The following NHSL1 variants were observed in gnomAD, a reference collection of about 807,000 sequenced individuals.
The protein encoded by NHSL1 is NHS like 1.
Under a neutral mutation model 95.0 loss-of-function variants are expected in NHSL1, and 48 were observed. The ratio of observed to expected loss-of-function variants is 0.51; its 90% confidence interval spans 0.40 to 0.64. The LOEUF (loss-of-function observed/expected upper bound fraction) is 0.64. NHSL1 is among the 30% of genes least tolerant of loss of function. The pLI is 0.00. For synonymous variants in NHSL1, 783 were observed against 833.9 expected (o/e 0.94, Z 1.05); for missense variants, 1,971 against 2,077.7 (o/e 0.95, Z 1.00).
At chr6:138,636,122 CAAA>C (rs199791161) in intron 1 of NHSL1, among the ~76,000 whole-genome samples, 3 of 89,672 alleles carry the variant, frequency 3.3e-5, no homozygotes, top group Admixed American at 1.2e-4. Flanking sequence ...GACTCTGTCT[CAAA>C]AAAAAAAAAA....
chr6:138,516,467 T>C (rs1358014634), intron 1 of NHSL1, among the ~76,000 whole-genome samples: 1 of 152,178 alleles, frequency 6.6e-6, no homozygotes, highest in Non-Finnish European at 1.5e-5. Flanking sequence ...CCTGCTGGGA[T>C]GACAAAGTGG....
At chr6:138,443,379 G>A (rs1267275529) in intron 4 of NHSL1, among the ~76,000 whole-genome samples, 1 of 152,184 alleles carries the variant, frequency 6.6e-6, no homozygotes, top group Non-Finnish European at 1.5e-5. Context: ...ATACCAGAAG[G>A]TGCCAATGCT....
intron 1 of NHSL1, among the ~76,000 whole-genome samples, chr6:138,648,917 A>C (rs1785053502): frequency 6.6e-6 from 1 of 152,202 alleles, no homozygotes. Flanking sequence ...GTCAACTATA[A>C]AATAGCATAT....
intron 5 of NHSL1, among the ~76,000 whole-genome samples, chr6:138,441,409 CCAAA>C (rs1033921336): frequency 3.9e-5 from 6 of 152,142 alleles, no homozygotes. Flanking sequence ...TCTTCACCAG[CCAAA>C]CACAGATTGA....
At chr6:138,475,218 GT>G (rs1047156422) in intron 2 of NHSL1, among the ~76,000 whole-genome samples, 7 of 151,086 alleles carry the variant, frequency 4.6e-5, no homozygotes, top group African/African-American at 1.2e-4. Context: ...ATGATTAGTA[GT>G]TTTCTTCTTT....
intron 3 of NHSL1, among the ~76,000 whole-genome samples, chr6:138,453,157 T>C (rs902941898): frequency 6.6e-6 from 1 of 151,654 alleles, no homozygotes; most frequent in Non-Finnish European, 1.5e-5. Flanking sequence ...GTATTTTTAG[T>C]AGAGATGGGG....
intron 1 of NHSL1, among the ~76,000 whole-genome samples, chr6:138,657,913 TAA>T (rs1785178792): frequency 2.7e-5 from 4 of 147,632 alleles, no homozygotes; most frequent in Admixed American, 2.7e-4. Context: ...TAATTAAATA[TAA>T]GATTTAATAT....
chr6:138,689,850 G>GT (rs1392390495), intron 1 of NHSL1, among the ~76,000 whole-genome samples: 3 of 151,594 alleles, frequency 2.0e-5, no homozygotes, highest in East Asian at 3.9e-4. Context: ...GTTTCGCCAT[G>GT]TTGGCCAGGC....
chr6:138,446,368 G>A (rs113887570), intron 4 of NHSL1, among the ~76,000 whole-genome samples: 1 of 152,182 alleles, frequency 6.6e-6, no homozygotes, highest in South Asian at 2.1e-4. Flanking sequence ...GCTCTCCTAA[G>A]TTCATGAAAG....
chr6:138,613,620 C>T lies in NHSL1; in HGVS notation c.96+78856G>A, dbSNP rs369805533. On this transcript the variant is annotated intron_variant, in intron 1 of 3. Coordinates refer to the NHSL1 transcript ENST00000491526. ...GCCACCTGTCCAGTCCCACGTCTTG[C>T]GGATAAACGGACTGCCCTGCATCCT... is the stretch of plus-strand genomic sequence containing the variant. Among the ~76,000 whole-genome samples, 14 of 152,294 alleles carry T rather than the reference C, an allele frequency of 9.2e-5. No homozygotes were observed. In the East Asian group the frequency reaches 1.4e-3, roughly 15 times the overall value.
intron 7 of NHSL1, among the ~76,000 whole-genome samples, chr6:138,426,063 C>T (rs1775243903): frequency 1.3e-5 from 2 of 152,222 alleles, no homozygotes; most frequent in Non-Finnish European, 2.9e-5. Context: ...ATGATAAAGC[C>T]AGTGAGCCAA....
chr6:138,663,560 C>CA (rs56870354), intron 1 of NHSL1, among the ~76,000 whole-genome samples: 2,574 of 95,454 alleles, frequency 0.027, 95 homozygotes, highest in African/African-American at 0.087. Context: ...AACTCCATCT[C>CA]AAAAAAAAAA....
intron 1 of NHSL1, among the ~76,000 whole-genome samples, chr6:138,610,775 T>A (rs1177260762): frequency 1.3e-5 from 2 of 151,962 alleles, no homozygotes; most frequent in Non-Finnish European, 2.9e-5. Context: ...CCTCCCTGCA[T>A]CTGAAAATAA....
At chr6:138,507,177 C>T (rs946669847) in intron 1 of NHSL1, among the ~76,000 whole-genome samples, 1 of 152,182 alleles carries the variant, frequency 6.6e-6, no homozygotes, top group African/African-American at 2.4e-5. Context: ...CCAGCAAACA[C>T]TAATGGTGGG....
intron 1 of NHSL1, among the ~76,000 whole-genome samples, chr6:138,658,112 G>C (rs1452768872): frequency 6.6e-6 from 1 of 152,062 alleles, no homozygotes; most frequent in African/African-American, 2.4e-5. Flanking sequence ...GAGGCTATAG[G>C]AGTCTCTCTA....
intron 1 of NHSL1, among the ~76,000 whole-genome samples, chr6:138,570,811 A>T (rs1386886829): frequency 6.6e-6 from 1 of 152,250 alleles, no homozygotes; most frequent in Admixed American, 6.5e-5. Flanking sequence ...AATGTGATAA[A>T]CATGGAAAAC....
intron 1 of NHSL1, among the ~76,000 whole-genome samples, chr6:138,639,798 A>C (rs1157437193): frequency 1.4e-5 from 1 of 70,646 alleles, no homozygotes; most frequent in African/African-American, 8.6e-5. Flanking sequence ...ACTCAGTCTC[A>C]AAAAAAAAAA....
chr6:138,461,829 G>C (rs1255445546), intron 3 of NHSL1, among the ~76,000 whole-genome samples: 1 of 152,198 alleles, frequency 6.6e-6, no homozygotes, highest in Non-Finnish European at 1.5e-5. Flanking sequence ...TAGCATGTTT[G>C]TATAATGATG....
At chr6:138,443,089 T>A (rs916543895) in intron 4 of NHSL1, among the ~76,000 whole-genome samples, 8 of 151,968 alleles carry the variant, frequency 5.3e-5, no homozygotes, top group African/African-American at 1.9e-4. Flanking sequence ...ACACACACAT[T>A]AAAAACTTCT....
Sources: gnomAD v4.1 joint callset for allele counts (sites outside exome capture counted in the v4.1 genomes callset) on GRCh38, gnomAD v4.1.1 for gene constraint, MANE v1.5 for transcripts, NCBI Gene and HGNC (gene_info 2026-07-23, HGNC 2026-07-21) for gene names.